Variants in SEM1 observed in about 807,000 individuals in gnomAD.
SEM1 encodes SEM1 26S proteasome subunit.
Under a neutral mutation model 12.7 loss-of-function variants are expected in SEM1, and 3 were observed. That is an observed-to-expected ratio of 0.24 (90% CI 0.11 to 0.61). The LOEUF is 0.61. Among genes scored for constraint, SEM1 ranks in the 20% least tolerant of loss-of-function variants. The pLI is 0.88. For synonymous variants in SEM1, 30 were observed against 27.8 expected, an observed-to-expected ratio of 1.08 and a Z score of -0.25; for missense variants, 59 against 81.3, an observed-to-expected ratio of 0.73 and a Z score of 1.06.
chr7:96,586,239 C>G (rs760425959), intron 2 of SEM1, among the ~76,000 whole-genome samples: 6 of 152,094 alleles, frequency 3.9e-5, no homozygotes, highest in Non-Finnish European at 7.3e-5. Context: ...AAGAGTTTAC[C>G]ACCTCTCTGA....
chr7:96,493,019 T>C (rs1803087215), intron 1 of SEM1, among the ~76,000 whole-genome samples: 1 of 152,056 alleles, frequency 6.6e-6, no homozygotes, highest in South Asian at 2.1e-4. Context: ...CAGGCTGGAG[T>C]GTGGAGTGCA....
chr7:96,509,365 C>T (rs1034805765), intron 2 of SEM1, among the ~76,000 whole-genome samples: 2 of 151,972 alleles, frequency 1.3e-5, no homozygotes, highest in Non-Finnish European at 2.9e-5. Context: ...TCCCCATTTA[C>T]ATCGCTTAGA....
At chr7:96,600,949 T>C (rs1399930512) in intron 2 of SEM1, among the ~76,000 whole-genome samples, 2 of 152,190 alleles carry the variant, frequency 1.3e-5, no homozygotes, top group African/African-American at 2.4e-5. Context: ...TTTGGTATAC[T>C]ATTTGCTTTT....
At chr7:96,611,540 G>C (rs532304137) in intron 2 of SEM1, among the ~76,000 whole-genome samples, 109 of 152,312 alleles carry the variant, frequency 7.2e-4, no homozygotes, top group African/African-American at 2.6e-3. Flanking sequence ...GTTATGACTT[G>C]TGATGGGCAA....
chr7:96,607,518 G>T (rs886532909), intron 2 of SEM1, among the ~76,000 whole-genome samples: 3 of 152,156 alleles, frequency 2.0e-5, no homozygotes, highest in Non-Finnish European at 4.4e-5. Context: ...GAGTATCTAT[G>T]GAACACATAA....
At chr7:96,606,715 C>A (rs1807391320) in intron 2 of SEM1, among the ~76,000 whole-genome samples, 1 of 152,198 alleles carries the variant, frequency 6.6e-6, no homozygotes, top group Non-Finnish European at 1.5e-5. Context: ...AAGTAGGCTA[C>A]ATTCAACAAC....
chr7:96,618,368 G>A (rs941980093), downstream of SEM1, among the ~76,000 whole-genome samples: 1 of 152,150 alleles, frequency 6.6e-6, no homozygotes, highest in African/African-American at 2.4e-5. Context: ...ACAACATGCT[G>A]TGGGGAACTA....
rs1808060101 is a variant in SEM1, at chr7:96,626,273, A to C, written c.171-3630T>G. Among the ~76,000 whole-genome samples the C allele has an allele frequency of 2.6e-5, 4 of 151,940 alleles. No homozygotes were observed. In the South Asian group the frequency reaches 8.3e-4, roughly 32 times the overall value. ...TCCCACAAATAAATGAGAATATGAA[A>C]AGTTTGTTTTTTTGTGCTTGTTTTA... On this transcript the variant is annotated intron_variant, in intron 2 of 2. Coordinates refer to the SEM1 transcript ENST00000417009.
At chr7:96,562,352 T>G (rs959224222) in intron 2 of SEM1, among the ~76,000 whole-genome samples, 2 of 152,166 alleles carry the variant, frequency 1.3e-5, no homozygotes, top group Non-Finnish European at 2.9e-5. Context: ...TTTGTGACTG[T>G]CTAATATAAA....
chr7:96,704,979 C>T (rs1790401615), intron 1 of SEM1, among the ~76,000 whole-genome samples: 1 of 152,212 alleles, frequency 6.6e-6, no homozygotes, highest in South Asian at 2.1e-4. Context: ...AGTTTTTCTA[C>T]ACTCCTACCT....
chr7:96,681,637 A>G (rs1789615624), intron 2 of SEM1, among the ~76,000 whole-genome samples: 1 of 152,206 alleles, frequency 6.6e-6, no homozygotes, highest in Non-Finnish European at 1.5e-5. Flanking sequence ...TTTATTAAAT[A>G]AGGAATCCTT....
At chr7:96,637,077 T>A (rs1348174172) in intron 2 of SEM1, among the ~76,000 whole-genome samples, 2 of 152,084 alleles carry the variant, frequency 1.3e-5, no homozygotes, top group Non-Finnish European at 2.9e-5. Flanking sequence ...TGTTAGCCAC[T>A]GTCTCTGGTT....
chr7:96,563,112 G>A (rs1396695388), intron 2 of SEM1, among the ~76,000 whole-genome samples: 1 of 152,110 alleles, frequency 6.6e-6, no homozygotes, highest in African/African-American at 2.4e-5. Context: ...TGGGAAGAGA[G>A]AAAATTTGTT....
rs920127394 is a variant in SEM1, at chr7:96,484,069, A to G, written c.258-81T>C. 4.7e-6 allele frequency: 6 copies of G among 1,287,518 alleles called. No individual in the cohort carries two copies. In the African/African-American group the frequency reaches 6.0e-5, roughly 13 times the overall value. 79.8% of individuals were successfully genotyped at this position (1,287,518 alleles called of 1,614,324 possible). A position where few individuals can be genotyped will look rare whatever the true frequency, so the allele number is the denominator to read the frequency against. The stretch of plus-strand genomic sequence containing the variant: ...GCATATTAACTTATTCAATCTTCAC[A>G]ACAACCCTATAGGGTAGATCCAATC... On this transcript the variant is annotated intron_variant, in intron 3 of 3. Coordinates refer to the SEM1 transcript ENST00000356686.
intron 2 of SEM1, among the ~76,000 whole-genome samples, chr7:96,665,137 A>G (rs1007162936): frequency 7.3e-5 from 11 of 151,716 alleles, no homozygotes; most frequent in African/African-American, 1.9e-4. Context: ...TTTCCCCACA[A>G]TCCTCTACCC....
downstream of SEM1, among the ~76,000 whole-genome samples, chr7:96,619,574 AG>A (rs1807826573): frequency 2.6e-5 from 4 of 152,102 alleles, no homozygotes; most frequent in South Asian, 8.3e-4. Flanking sequence ...CTTAGCCTCC[AG>A]GTGGCTTGCT....
At chr7:96,623,888 C>G (rs1043977645) in intron 2 of SEM1, among the ~76,000 whole-genome samples, 1 of 152,064 alleles carries the variant, frequency 6.6e-6, no homozygotes, top group Non-Finnish European at 1.5e-5. Context: ...CTTTTTCCAG[C>G]TTGTGTTAGC....
At position 96,571,636 on chromosome 7, in the gene SEM1, G is replaced by A. The variant is rs142390513; in HGVS notation, c.171-64938C>T. Among the ~76,000 whole-genome samples the A allele has an allele frequency of 9.8e-3, 1,494 of 151,760 alleles. 19 individuals are homozygous for A. Among genetic ancestry groups the A allele is most frequent in the Middle Eastern group, 0.024 (7 of 292 alleles). On this transcript the variant is annotated intron_variant and NMD_transcript_variant, in intron 2 of 3. Transcript: ENST00000466986. ...TACATATGTATGTATGCATCTCAGG[G>A]ATGAAGCCAACCTAATCATGCTGGA... is the stretch of plus-strand genomic sequence containing the variant.
At chr7:96,600,576 C>T (rs566482819) in intron 2 of SEM1, among the ~76,000 whole-genome samples, 77 of 152,266 alleles carry the variant, frequency 5.1e-4, no homozygotes, top group Non-Finnish European at 9.4e-4. Context: ...AAGGTGCCCA[C>T]GGTGATGGGC....
Sources: gnomAD v4.1 joint callset for allele counts (sites outside exome capture counted in the v4.1 genomes callset) on GRCh38, gnomAD v4.1.1 for gene constraint, MANE v1.5 for transcripts, NCBI Gene and HGNC (gene_info 2026-07-23, HGNC 2026-07-21) for gene names.